Variants in FAM149B1 observed in about 807,000 individuals in gnomAD.
FAM149B1 encodes the protein primary cilium assembly protein FAM149B1.
Under a neutral mutation model 75.3 loss-of-function variants are expected in FAM149B1, and 56 were observed. The observed-to-expected ratio is 0.74, with a 90% CI of 0.60 to 0.93. FAM149B1 has a LOEUF of 0.93. Ranked by LOEUF, FAM149B1 falls within the 40% of genes least tolerant of loss-of-function variation. The pLI is 0.00. For missense variants in FAM149B1, 639 were observed against 708.4 expected, an observed-to-expected ratio of 0.90 and a Z score of 1.11; for synonymous variants, 259 against 256.1, an observed-to-expected ratio of 1.01 and a Z score of -0.11.
chr10:73,226,794 T>C (rs2043561544), intron 7 of FAM149B1, among the ~76,000 whole-genome samples: 2 of 150,184 alleles, frequency 1.3e-5, no homozygotes, highest in African/African-American at 4.9e-5. Flanking sequence ...ACTTGCAGTT[T>C]TGGCTTTGTC....
intron 5 of FAM149B1, among the ~76,000 whole-genome samples, chr10:73,194,341 A>G (rs1346276167): frequency 6.6e-6 from 1 of 152,174 alleles, no homozygotes; most frequent in African/African-American, 2.4e-5. Context: ...AAGTCTAAGA[A>G]AAAGACTTTA....
At chr10:73,214,589 A>G (rs564406495) in intron 7 of FAM149B1, among the ~76,000 whole-genome samples, 4 of 152,274 alleles carry the variant, frequency 2.6e-5, no homozygotes, top group South Asian at 2.1e-4. Context: ...TTCTGTTTAT[A>G]TGATGTATCA....
At chr10:73,221,830 C>CT (rs2043422021) in intron 7 of FAM149B1, among the ~76,000 whole-genome samples, 1 of 151,612 alleles carries the variant, frequency 6.6e-6, no homozygotes, top group Non-Finnish European at 1.5e-5. Flanking sequence ...TTTTTGTATT[C>CT]TTTTTTTTCT....
intron 7 of FAM149B1, among the ~76,000 whole-genome samples, chr10:73,211,018 A>G (rs2043176741): frequency 6.6e-6 from 1 of 152,092 alleles, no homozygotes; most frequent in Non-Finnish European, 1.5e-5. Context: ...ACCAGGAGAT[A>G]TTGTCAGATC....
At chr10:73,172,800 A>G (rs1195996430) in intron 1 of FAM149B1, among the ~76,000 whole-genome samples, 1 of 152,128 alleles carries the variant, frequency 6.6e-6, no homozygotes. Context: ...AGGTGGTCAC[A>G]TTAAAAAAGA....
In FAM149B1 at chr10:73,192,580, A is replaced by G; in HGVS notation, c.307A>G (p.Lys103Glu). 2.6e-6 allele frequency: 4 copies of G among 1,551,318 alleles called. No individual in the cohort carries two copies. The highest frequency in any genetic ancestry group is 3.5e-6 in the Non-Finnish European group (4 of 1,146,876). The change falls in exon 4 of 14, where the codon AAA (lysine) becomes GAA (glutamate). Residue 103 changes from lysine to glutamate, a missense_variant. Transcript: ENST00000242505. ...GGAACTCGATCAAAATGCCACTGAA[A>G]AAGTCCAGACAATGTTCACAGCCAT... ...YGELDQNATE[K>E]VQTMFTAIDE... is the part of the protein sequence containing the mutation.
intron 5 of FAM149B1, 76 bp downstream of exon 5, chr10:73,193,669 A>T: frequency 1.5e-6 from 2 of 1,365,122 alleles, no homozygotes; most frequent in Non-Finnish European, 2.0e-6. Flanking sequence ...GTATTAAGGG[A>T]TTAAAATACT....
At position 73,210,271 on chromosome 10, in the gene FAM149B1, A is replaced by G. The variant is rs2043158349; in HGVS notation, c.731A>G (p.Lys244Arg). ...HIDIEEGFHG[K>R]KSEAATEKQK... is the part of the protein sequence containing the mutation. ...TACAGAGAAGAGGGATTTCATGGGAAGAAATCAGAAGCAGCTACAGAGAAA... is the reference window on the plus strand; with the variant it reads ...TACAGAGAAGAGGGATTTCATGGGAGGAAATCAGAAGCAGCTACAGAGAAA... Residue 244 changes from lysine (K) to arginine (R), a missense_variant, in exon 7 of 14, where the codon AAG becomes AGG. Lys to Arg is a conservative substitution (Grantham distance 26, BLOSUM62 2). Coordinates refer to ENST00000242505, the MANE Select transcript of FAM149B1 (RefSeq NM_173348.2). 1 of 1,550,602 alleles carries G rather than the reference A, an allele frequency of 6.4e-7. No homozygotes were observed. Among genetic ancestry groups the G allele is most frequent in the Non-Finnish European group, 8.7e-7 (1 of 1,145,966 alleles).
chr10:73,178,135 G>A (rs1263398609), intron 3 of FAM149B1, among the ~76,000 whole-genome samples, 160 bp downstream of exon 3: 1 of 152,130 alleles, frequency 6.6e-6, no homozygotes, highest in Non-Finnish European at 1.5e-5. Context: ...TCTTCTTTCA[G>A]TATTGGCTTT....
chr10:73,203,286 A>G (rs1462973448), intron 5 of FAM149B1, among the ~76,000 whole-genome samples: 1 of 152,120 alleles, frequency 6.6e-6, no homozygotes, highest in East Asian at 1.9e-4. Flanking sequence ...CTCATATTGC[A>G]TTGACTATCT....
In FAM149B1 at chr10:73,241,342, A is replaced by G. The variant is rs1426252519; in HGVS notation, c.*323A>G. The G allele has an allele frequency of 1.9e-4, 61 of 317,952 alleles. 2 individuals are homozygous for G. Among genetic ancestry groups the G allele is most frequent in the South Asian group, 1.6e-3 (56 of 34,306 alleles). The allele number at this position is 317,952 out of a possible 1,614,324, so 19.7% of individuals were successfully genotyped here. A position where few individuals can be genotyped will look rare whatever the true frequency, so the allele number is the denominator to read the frequency against. ...TCTTAACAATGATCAGTTCAATCAT[A>G]TAGGATTTGATGAGCTCACACATAC... On this transcript the variant is annotated 3_prime_UTR_variant, in exon 14 of 14. Coordinates refer to ENST00000242505, the MANE Select transcript of FAM149B1 (RefSeq NM_173348.2).
chr10:73,181,807 C>T (rs1367463377), intron 3 of FAM149B1, among the ~76,000 whole-genome samples: 1 of 152,178 alleles, frequency 6.6e-6, no homozygotes, highest in Non-Finnish European at 1.5e-5. Flanking sequence ...TTGATTTTGT[C>T]TGGAAAATCT....
chr10:73,239,265 T>C, intron 12 of FAM149B1, 47 bp from the exon 13 acceptor site: 1 of 1,456,852 alleles, frequency 6.9e-7, no homozygotes, highest in Non-Finnish European at 9.4e-7. Context: ...ATATTATCCT[T>C]TGTGAGAAGA....
chr10:73,241,057 G>T lies in FAM149B1; in HGVS notation c.*38G>T, dbSNP rs539137604. ...GAATCTATCAGGCTGCAGGAAACAC[G>T]AGATTTCATGAAGCAGTATTCAGTC... On this transcript the variant is annotated 3_prime_UTR_variant, in exon 14 of 14. Transcript: ENST00000242505. 9.7e-6 allele frequency: 11 copies of T among 1,130,056 alleles called. No homozygotes were observed. In the African/African-American group the frequency reaches 1.3e-4, roughly 13 times the overall value. 70.0% of individuals were successfully genotyped at this position (1,130,056 alleles called of 1,614,324 possible).
intron 3 of FAM149B1, among the ~76,000 whole-genome samples, chr10:73,190,426 C>A (rs189473765): frequency 6.6e-6 from 1 of 151,922 alleles, no homozygotes; most frequent in East Asian, 1.9e-4. Flanking sequence ...AACTCTGCTT[C>A]CTGATTGATT....
chr10:73,205,878 A>G (rs1389556115), intron 5 of FAM149B1, among the ~76,000 whole-genome samples: 1 of 152,184 alleles, frequency 6.6e-6, no homozygotes, highest in Non-Finnish European at 1.5e-5. Context: ...CAATGCAAGA[A>G]TGACTTCATA....
chr10:73,190,172 A>T (rs927298257), intron 3 of FAM149B1, among the ~76,000 whole-genome samples: 1 of 152,202 alleles, frequency 6.6e-6, no homozygotes, highest in Non-Finnish European at 1.5e-5. Flanking sequence ...GGATTAAGAA[A>T]CTGCAATATA....
intron 7 of FAM149B1, among the ~76,000 whole-genome samples, chr10:73,220,386 A>C (rs1282329660): frequency 6.6e-6 from 1 of 152,204 alleles, no homozygotes; most frequent in African/African-American, 2.4e-5. Context: ...TAAACACAAA[A>C]TTGTCAAAAG....
chr10:73,170,320 T>C (rs1197507883), intron 1 of FAM149B1, among the ~76,000 whole-genome samples: 1 of 152,064 alleles, frequency 6.6e-6, no homozygotes, highest in Non-Finnish European at 1.5e-5. Flanking sequence ...CTGGGCAACA[T>C]GGTGAAACCC....
Sources: allele counts gnomAD v4.1 joint callset (sites outside exome capture counted in the v4.1 genomes callset), GRCh38; gene constraint gnomAD v4.1.1; transcripts MANE v1.5; gene names NCBI Gene and HGNC (gene_info 2026-07-23, HGNC 2026-07-21).